ESR1: variants seen among roughly 807,000 people sequenced by gnomAD.
ESR1 encodes the protein estrogen receptor.
Under a neutral mutation model 52.7 loss-of-function variants are expected in ESR1, and 12 were observed. The ratio of observed to expected loss-of-function variants is 0.23; its 90% confidence interval spans 0.15 to 0.37. The LOEUF (loss-of-function observed/expected upper bound fraction) is 0.37, where lower values mean the gene tolerates loss of function less well. Ranked by LOEUF, ESR1 falls within the 10% of genes least tolerant of loss-of-function variation. The pLI, the probability that ESR1 is intolerant of heterozygous loss-of-function variation, is 1.00. For missense variants in ESR1, 584 were observed against 779.7 expected (o/e 0.75, Z 2.99); for synonymous variants, 305 against 316.8 (o/e 0.96, Z 0.39).
downstream of ESR1, among the ~76,000 whole-genome samples, chr6:152,106,394 G>A (rs533596523): frequency 6.6e-5 from 10 of 152,194 alleles, no homozygotes; most frequent in African/African-American, 1.7e-4. Context: ...GTCTGGTGTC[G>A]TTTTCTTTTA....
At chr6:151,817,429 GT>G (rs145058065) in intron 1 of ESR1, among the ~76,000 whole-genome samples, 12,122 of 152,180 alleles carry the variant, frequency 0.08, 586 homozygotes, top group Non-Finnish European at 0.092. Flanking sequence ...AGGTTTTGCT[GT>G]TGTTCTAACC....
chr6:152,115,833 G>T (rs2051203371), intron 6 of ESR1, among the ~76,000 whole-genome samples: 1 of 152,106 alleles, frequency 6.6e-6, no homozygotes, highest in Non-Finnish European at 1.5e-5. Flanking sequence ...GCTCTCAATT[G>T]GGCAATATTT....
chr6:151,796,005 A>AC (rs58582110), intron 2 of ESR1, among the ~76,000 whole-genome samples: 1 of 145,562 alleles, frequency 6.9e-6, no homozygotes, highest in Non-Finnish European at 1.5e-5. Flanking sequence ...AAAAAAAAAA[A>AC]CCAAAACACA....
At position 151,736,577 on chromosome 6, in the gene ESR1, C is replaced by T. The variant is rs574236595; in HGVS notation, c.-71+34572C>T. Among the ~76,000 whole-genome samples the T allele has an allele frequency of 2.0e-3, 304 of 152,050 alleles. 1 individual carries two copies. The highest frequency in any genetic ancestry group is 6.8e-3 in the African/African-American group (281 of 41,454). Reference sequence around the variant, plus strand: ...TTAGTCTCTACTAAACAGGGTTTCCCCATGTTGCCCAGGGTGGTCTCGAAC... The same window carrying T: ...TTAGTCTCTACTAAACAGGGTTTCCTCATGTTGCCCAGGGTGGTCTCGAAC... On this transcript the variant is annotated intron_variant, in intron 2 of 2. Transcript: ENST00000404742.
intron 5 of ESR1, among the ~76,000 whole-genome samples, chr6:152,039,218 T>C (rs1387571368): frequency 6.6e-6 from 1 of 152,178 alleles, no homozygotes; most frequent in Non-Finnish European, 1.5e-5. Context: ...CAAACCTTCA[T>C]TCCTGAAGGG....
intron 4 of ESR1, among the ~76,000 whole-genome samples, chr6:152,007,350 T>C (rs2042412671): frequency 6.6e-6 from 1 of 151,948 alleles, no homozygotes; most frequent in African/African-American, 2.4e-5. Context: ...TACTGTATAA[T>C]GGAAGGCAGA....
chr6:151,961,581 G>T (rs939096390), intron 4 of ESR1, among the ~76,000 whole-genome samples: 1 of 152,120 alleles, frequency 6.6e-6, no homozygotes, highest in African/African-American at 2.4e-5. Context: ...ACTGGAGGAG[G>T]GAGTGTCCTC....
chr6:151,872,689 C>T (rs76219667), intron 2 of ESR1, among the ~76,000 whole-genome samples: 5,902 of 152,274 alleles, frequency 0.039, 170 homozygotes, highest in Non-Finnish European at 0.057. Context: ...TTCTATGCTG[C>T]TATTCCCATA....
chr6:151,685,486 G>A (rs78921362), intron 1 of ESR1, among the ~76,000 whole-genome samples: 2,198 of 152,328 alleles, frequency 0.014, 23 homozygotes, highest in East Asian at 0.031. Context: ...CTGCTCAGAA[G>A]TACACCTTAG....
At chr6:151,824,731 C>A (rs943305373) in intron 1 of ESR1, among the ~76,000 whole-genome samples, 1 of 152,042 alleles carries the variant, frequency 6.6e-6, no homozygotes, top group African/African-American at 2.4e-5. Flanking sequence ...GGCCTCCTGG[C>A]TAACATGATG....
chr6:152,016,898 A>G (rs1295649350), intron 5 of ESR1, among the ~76,000 whole-genome samples: 2 of 152,140 alleles, frequency 1.3e-5, no homozygotes, highest in African/African-American at 4.8e-5. Context: ...GGGGGGAAAG[A>G]TAGCTTGAAG....
intron 4 of ESR1, among the ~76,000 whole-genome samples, chr6:151,950,201 A>G (rs2036178704): frequency 6.6e-6 from 1 of 152,126 alleles, no homozygotes; most frequent in African/African-American, 2.4e-5. Context: ...TTTCTTTTGT[A>G]AATTGCCTAC....
chr6:151,768,679 G>A (rs575356239), intron 2 of ESR1, among the ~76,000 whole-genome samples: 1 of 152,100 alleles, frequency 6.6e-6, no homozygotes, highest in Non-Finnish European at 1.5e-5. Context: ...AAATAGATAA[G>A]TTCATAGATA....
intron 1 of ESR1, among the ~76,000 whole-genome samples, chr6:151,662,747 C>T (rs1777682218): frequency 6.6e-6 from 1 of 152,202 alleles, no homozygotes; most frequent in African/African-American, 2.4e-5. Context: ...AACTGCACTG[C>T]TTCTTAGCTT....
At chr6:152,117,304 A>C (rs1474673126) in intron 6 of ESR1, among the ~76,000 whole-genome samples, 1 of 152,178 alleles carries the variant, frequency 6.6e-6, no homozygotes, top group Non-Finnish European at 1.5e-5. Context: ...TTCTGAGCCC[A>C]ACAACAGCTC....
At chr6:152,095,858 A>G (rs2050569496) in intron 7 of ESR1, among the ~76,000 whole-genome samples, 1 of 152,222 alleles carries the variant, frequency 6.6e-6, no homozygotes, top group African/African-American at 2.4e-5. Flanking sequence ...TGCTTACCCA[A>G]TATCACCTAG....
At chr6:151,964,751 C>G (rs1219307953) in intron 4 of ESR1, among the ~76,000 whole-genome samples, 1 of 151,998 alleles carries the variant, frequency 6.6e-6, no homozygotes, top group Non-Finnish European at 1.5e-5. Flanking sequence ...ACACCATTCT[C>G]CTACCTCAGC....
chr6:151,777,333 G>A (rs1786105923), intron 2 of ESR1, among the ~76,000 whole-genome samples: 1 of 151,844 alleles, frequency 6.6e-6, no homozygotes. Context: ...TGCCCAGGGT[G>A]GTCTTGAATT....
intron 3 of ESR1, among the ~76,000 whole-genome samples, chr6:151,885,659 G>T (rs1188608290): frequency 6.6e-6 from 1 of 152,198 alleles, no homozygotes; most frequent in Admixed American, 6.6e-5. Context: ...GAGGTCAGGA[G>T]TTCAAGACCA....
Sources: allele counts gnomAD v4.1 joint callset (sites outside exome capture counted in the v4.1 genomes callset), GRCh38; gene constraint gnomAD v4.1.1; transcripts MANE v1.5; gene names NCBI Gene and HGNC (gene_info 2026-07-23, HGNC 2026-07-21).